Variants in SYNDIG1L observed in about 807,000 individuals in gnomAD.
The protein encoded by SYNDIG1L is synapse differentiation-inducing gene protein 1-like.
In SYNDIG1L, 13 loss-of-function variants were observed where a neutral mutation model predicts 20.1. That is an observed-to-expected ratio of 0.65 (90% confidence interval 0.42 to 1.03). The LOEUF (loss-of-function observed/expected upper bound fraction) is 1.03. Among genes scored for constraint, SYNDIG1L ranks in the 50% least tolerant of loss-of-function variants. The probability of loss-of-function intolerance (pLI) is 0.00; values close to 1 mark genes in which losing one functional copy is unlikely to be tolerated. For synonymous variants in SYNDIG1L, 128 were observed against 129.3 expected, an observed-to-expected ratio of 0.99 and a Z score of 0.07; for missense variants, 294 against 305.1, an observed-to-expected ratio of 0.96 and a Z score of 0.27.
the SYNDIG1L span, among the ~76,000 whole-genome samples, chr14:74,458,180 A>T: frequency 1.3e-5 from 2 of 152,112 alleles, no homozygotes; most frequent in Non-Finnish European, 2.9e-5. Context: ...TGGAGCTGTG[A>T]GGACTGAGTG....
the SYNDIG1L span, among the ~76,000 whole-genome samples, chr14:74,447,776 C>T: frequency 6.6e-6 from 1 of 151,762 alleles, no homozygotes; most frequent in Non-Finnish European, 1.5e-5. Flanking sequence ...ACATTGCACC[C>T]CAAAGTGGAG....
intron 1 of SYNDIG1L, among the ~76,000 whole-genome samples, chr14:74,419,009 G>A (rs1446116314): frequency 6.6e-6 from 1 of 152,172 alleles, no homozygotes; most frequent in Non-Finnish European, 1.5e-5. Context: ...GGGTAGTTGG[G>A]CAGCAACAGA....
At chr14:74,408,050 AAG>A in intron 2 of SYNDIG1L, 61 bp from the exon 3 acceptor site, 1 of 1,523,650 alleles carries the variant, frequency 6.6e-7, no homozygotes, top group Non-Finnish European at 8.8e-7. Flanking sequence ...TCAGGCTGGC[AAG>A]AGGTTTTTTA....
At chr14:74,409,911 T>C (rs1203422548) in intron 1 of SYNDIG1L, 110 bp from the exon 2 acceptor site, 3 of 862,524 alleles carry the variant, frequency 3.5e-6, no homozygotes, top group Non-Finnish European at 4.7e-6. Context: ...ACTCTGCCTC[T>C]GCCCTTTGCA....
chr14:74,435,746 ATCT>A, the SYNDIG1L span, among the ~76,000 whole-genome samples: 2 of 152,194 alleles, frequency 1.3e-5, no homozygotes, highest in East Asian at 1.9e-4. Flanking sequence ...CTCACACTAA[ATCT>A]TCTTGGGAAC....
intron 1 of SYNDIG1L, among the ~76,000 whole-genome samples, chr14:74,417,735 T>C (rs976616165): frequency 2.6e-5 from 4 of 152,118 alleles, no homozygotes; most frequent in African/African-American, 9.7e-5. Context: ...AGCTATGTGA[T>C]TGGTGGATAT....
chr14:74,428,707 T>C (rs1207684127), upstream of SYNDIG1L, among the ~76,000 whole-genome samples: 1 of 151,924 alleles, frequency 6.6e-6, no homozygotes, highest in African/African-American at 2.4e-5. Flanking sequence ...GAGGAGGGGA[T>C]TGTTGGTAGG....
chr14:74,431,619 G>T, the SYNDIG1L span, among the ~76,000 whole-genome samples: 1 of 151,986 alleles, frequency 6.6e-6, no homozygotes, highest in Non-Finnish European at 1.5e-5. Context: ...TTGAAGCCGG[G>T]TCTGTGTGAT....
At chr14:74,449,594 G>C in the SYNDIG1L span, among the ~76,000 whole-genome samples, 1 of 143,280 alleles carries the variant, frequency 7.0e-6, no homozygotes, top group South Asian at 2.2e-4. Flanking sequence ...CCTGGTGACA[G>C]AGCAAGACTG....
At chr14:74,414,966 G>C (rs541460456) in intron 1 of SYNDIG1L, among the ~76,000 whole-genome samples, 2 of 152,190 alleles carry the variant, frequency 1.3e-5, no homozygotes, top group African/African-American at 4.8e-5. Context: ...GAAACACAGG[G>C]AGGCCAGCCT....
At chr14:74,417,693 C>T (rs990195523) in intron 1 of SYNDIG1L, among the ~76,000 whole-genome samples, 9 of 152,188 alleles carry the variant, frequency 5.9e-5, no homozygotes, top group Non-Finnish European at 8.8e-5. Context: ...TGGGCTCTGA[C>T]TTCCCACTCC....
chr14:74,432,140 G>GGT, the SYNDIG1L span, among the ~76,000 whole-genome samples: 10,323 of 120,980 alleles, frequency 0.085, 612 homozygotes, highest in East Asian at 0.3. Flanking sequence ...TGCCTTGGAA[G>GGT]GTGTGTGTGT....
At chr14:74,469,612 G>A in the SYNDIG1L span, among the ~76,000 whole-genome samples, 1 of 152,240 alleles carries the variant, frequency 6.6e-6, no homozygotes, top group Non-Finnish European at 1.5e-5. Context: ...TAGATGAGGT[G>A]CAGAGGTCAT....
intron 1 of SYNDIG1L, among the ~76,000 whole-genome samples, chr14:74,420,184 G>A (rs2086210017): frequency 6.6e-6 from 1 of 151,960 alleles, no homozygotes; most frequent in Non-Finnish European, 1.5e-5. Context: ...ATGACTTGAG[G>A]TCAGGAGTTT....
At chr14:74,432,554 C>T in the SYNDIG1L span, among the ~76,000 whole-genome samples, 189 of 152,198 alleles carry the variant, frequency 1.2e-3, no homozygotes, top group Non-Finnish European at 2.2e-3. Context: ...GAGAGAGGTA[C>T]AATAGAGGTA....
At chr14:74,428,387 T>C (rs556741690), upstream of SYNDIG1L, among the ~76,000 whole-genome samples, 6 of 152,354 alleles carry the variant, frequency 3.9e-5, no homozygotes, top group African/African-American at 1.2e-4. Context: ...TTCCATTCTC[T>C]CTTTATCCCT....
chr14:74,478,816 T>G, the SYNDIG1L span, among the ~76,000 whole-genome samples: 1 of 152,092 alleles, frequency 6.6e-6, no homozygotes. Flanking sequence ...ATTTAGAGAG[T>G]ATATACTATA....
At chr14:74,427,118 C>CAT (rs553006899), upstream of SYNDIG1L, among the ~76,000 whole-genome samples, 1 of 116,808 alleles carries the variant, frequency 8.6e-6, no homozygotes. Context: ...CCTGCGTTTC[C>CAT]TTTTTTTTTT....
At chr14:74,461,503 A>C in the SYNDIG1L span, among the ~76,000 whole-genome samples, 1 of 152,034 alleles carries the variant, frequency 6.6e-6, no homozygotes, top group African/African-American at 2.4e-5. Flanking sequence ...CCTCCTAGAA[A>C]CTTAGGCTAA....
Sources: allele counts gnomAD v4.1 joint callset (sites outside exome capture counted in the v4.1 genomes callset), GRCh38; gene constraint gnomAD v4.1.1; transcripts MANE v1.5; gene names NCBI Gene and HGNC (gene_info 2026-07-23, HGNC 2026-07-21).